The following AFF1 variants were observed in gnomAD, a reference collection of about 807,000 sequenced individuals.
AFF1 encodes the protein ALF transcription elongation factor 1.
A neutral mutation model predicts 121.7 loss-of-function variants in AFF1; 48 were observed. The ratio of observed to expected loss-of-function variants is 0.39; its 90% CI spans 0.31 to 0.50. The LOEUF (loss-of-function observed/expected upper bound fraction) is 0.50. Ranked by LOEUF, AFF1 falls within the 20% of genes least tolerant of loss-of-function variation. The pLI is 0.76. For missense variants in AFF1, 1,523 were observed against 1,511.7 expected (o/e 1.01, Z -0.12); for synonymous variants, 613 against 563.0 (o/e 1.09, Z -1.26).
rs901192097 is a variant in AFF1 at position 87,138,912 on chromosome 4, A to G, written c.*3211A>G. On this transcript the variant is annotated 3_prime_UTR_variant, in exon 21 of 21. Transcript: ENST00000395146. The stretch of plus-strand genomic sequence containing the variant: ...ACCGCACTTATCTCCCTTGTCCTGT[A>G]TCCTTTAATTTCAGGTCTCAGGATG... 4.8e-5 allele frequency: 11 copies of G among 227,812 alleles called. No individual in the cohort carries two copies. The highest frequency in any genetic ancestry group is 5.2e-5 in the Non-Finnish European group (6 of 114,706). The allele number at this position is 227,812 out of a possible 1,614,324, so 14.1% of individuals were successfully genotyped here. A position where few individuals can be genotyped will look rare whatever the true frequency, so the allele number is the denominator to read the frequency against.
Position 87,032,135 on chromosome 4 carries a change from A to G in AFF1, c.39-14031A>G, listed in dbSNP as rs912933518. 2.6e-5 allele frequency among the ~76,000 whole-genome samples: 4 copies of G among 152,356 alleles called. No individual in the cohort carries two copies. The South Asian group carries it at 8.3e-4, about 32-fold the overall frequency. On this transcript the variant is annotated intron_variant, in intron 2 of 20. Transcript: ENST00000395146. ...GAAGGGAGACTTCTGCAGAAAAACA[A>G]TGACTTACTGTTTAGCTTTAAGGAG...
intron 1 of AFF1, among the ~76,000 whole-genome samples, chr4:86,941,127 G>A (rs1720422850): frequency 6.6e-6 from 1 of 152,106 alleles, no homozygotes; most frequent in African/African-American, 2.4e-5. Context: ...GTTTTATCTT[G>A]ATTATACTGC....
chr4:87,109,479 G>A (rs1371416377), intron 11 of AFF1, among the ~76,000 whole-genome samples: 2 of 152,194 alleles, frequency 1.3e-5, no homozygotes, highest in Non-Finnish European at 2.9e-5. Flanking sequence ...ACTACACTGT[G>A]TTTCTGGGGC....
chr4:87,132,996 G>A (rs114064198), intron 19 of AFF1, among the ~76,000 whole-genome samples: 22 of 152,322 alleles, frequency 1.4e-4, no homozygotes, highest in African/African-American at 4.3e-4. Context: ...GCACCTGGCC[G>A]AGCTTTGAGG....
chr4:87,066,936 G>A (rs1721418264), intron 4 of AFF1, among the ~76,000 whole-genome samples: 1 of 152,112 alleles, frequency 6.6e-6, no homozygotes, highest in African/African-American at 2.4e-5. Flanking sequence ...AGACACAAAG[G>A]TCAAGTACAC....
chr4:86,995,774 T>A (rs1358092233), intron 2 of AFF1, among the ~76,000 whole-genome samples: 1 of 145,594 alleles, frequency 6.9e-6, no homozygotes, highest in East Asian at 2.1e-4. Flanking sequence ...AGGCCGCCCA[T>A]CGTCTGGGAT....
At chr4:86,945,497 A>ATTTT (rs34305215) in intron 1 of AFF1, among the ~76,000 whole-genome samples, 921 of 86,606 alleles carry the variant, frequency 0.011, 53 homozygotes, top group African/African-American at 0.045. Flanking sequence ...GCCTTTCCCA[A>ATTTT]TTTTTTTTTT....
intron 2 of AFF1, among the ~76,000 whole-genome samples, chr4:86,986,420 G>T (rs565035577): frequency 6.6e-6 from 1 of 152,014 alleles, no homozygotes; most frequent in Non-Finnish European, 1.5e-5. Context: ...GTTAACTATT[G>T]TGCCTCTTCT....
At chr4:87,063,176 T>G (rs1013066953) in intron 4 of AFF1, among the ~76,000 whole-genome samples, 3 of 150,972 alleles carry the variant, frequency 2.0e-5, no homozygotes, top group Admixed American at 6.6e-5. Flanking sequence ...ACATCATAAT[T>G]ATAGCAGTTA....
At chr4:87,041,346 TATC>T (rs1243709557) in intron 2 of AFF1, among the ~76,000 whole-genome samples, 2 of 152,108 alleles carry the variant, frequency 1.3e-5, no homozygotes, top group Non-Finnish European at 2.9e-5. Flanking sequence ...CTGCTGCTGT[TATC>T]ATTGCTTTTG....
intron 4 of AFF1, among the ~76,000 whole-genome samples, chr4:87,074,114 G>C (rs987061278): frequency 6.6e-6 from 1 of 151,816 alleles, no homozygotes; most frequent in African/African-American, 2.4e-5. Context: ...TACTACTCAT[G>C]CTTTGCAAAT....
chr4:86,969,676 C>G (rs1298990542), intron 2 of AFF1, among the ~76,000 whole-genome samples: 3 of 150,240 alleles, frequency 2.0e-5, no homozygotes, highest in Non-Finnish European at 4.4e-5. Flanking sequence ...GTCGGGAGAT[C>G]GAGACCATCC....
chr4:87,064,484 G>A (rs1721131533), intron 4 of AFF1, among the ~76,000 whole-genome samples: 1 of 152,220 alleles, frequency 6.6e-6, no homozygotes, highest in South Asian at 2.1e-4. Flanking sequence ...GCTCACGCCT[G>A]TAATCCCAAC....
At chr4:86,982,623 T>TCACCTGAGGTCAAGAGTTTGAG (rs1723847206) in intron 2 of AFF1, among the ~76,000 whole-genome samples, 1 of 151,214 alleles carries the variant, frequency 6.6e-6, no homozygotes, top group Non-Finnish European at 1.5e-5. Context: ...GGCAGACAGA[T>TCACCTGAGGTCAAGAGTTTGAG]CACCTGAGGT....
chr4:86,961,699 C>G (rs1017383983), intron 2 of AFF1, among the ~76,000 whole-genome samples: 3 of 151,846 alleles, frequency 2.0e-5, no homozygotes, highest in Non-Finnish European at 4.4e-5. Flanking sequence ...TGGTTCCCAT[C>G]CTAAATTAGA....
At chr4:86,945,307 T>C (rs899417440) in intron 1 of AFF1, among the ~76,000 whole-genome samples, 1 of 141,354 alleles carries the variant, frequency 7.1e-6, no homozygotes, top group African/African-American at 2.5e-5. Flanking sequence ...GTATCTTCCT[T>C]ATTTTCTTTT....
chr4:87,117,231 G>T (rs1381925546), intron 12 of AFF1, among the ~76,000 whole-genome samples: 1 of 152,216 alleles, frequency 6.6e-6, no homozygotes, highest in Non-Finnish European at 1.5e-5. Flanking sequence ...TCTATAAGCC[G>T]TTCCCAGGTT....
intron 2 of AFF1, among the ~76,000 whole-genome samples, chr4:86,979,205 C>G (rs1271452042): frequency 3.9e-5 from 6 of 152,202 alleles, no homozygotes; most frequent in Admixed American, 3.9e-4. Flanking sequence ...TCAAGTCATT[C>G]TCCTGCCTCA....
chr4:87,102,509 A>G (rs1725527276), intron 8 of AFF1, among the ~76,000 whole-genome samples: 1 of 152,152 alleles, frequency 6.6e-6, no homozygotes, highest in Admixed American at 6.5e-5. Context: ...TGTTTTCCTC[A>G]TCCTTAGAAT....
Sources: gnomAD v4.1 joint callset for allele counts (sites outside exome capture counted in the v4.1 genomes callset) on GRCh38, gnomAD v4.1.1 for gene constraint, MANE v1.5 for transcripts, NCBI Gene and HGNC (gene_info 2026-07-23, HGNC 2026-07-21) for gene names.